The following TTC23 variants were observed in gnomAD, a reference collection of about 807,000 sequenced individuals.
TTC23 encodes tetratricopeptide repeat domain 23, also known as tetratricopeptide repeat protein 23.
A neutral mutation model predicts 55.1 loss-of-function variants in TTC23; 58 were observed. That is an observed-to-expected ratio of 1.05 (90% CI 0.85 to 1.31). The LOEUF is 1.31. Among genes scored for constraint, TTC23 ranks in the 50% most tolerant of loss-of-function variants. The pLI is 0.00. For missense variants in TTC23, 516 were observed against 534.4 expected, an observed-to-expected ratio of 0.97 and a Z score of 0.34; for synonymous variants, 203 against 199.9, an observed-to-expected ratio of 1.02 and a Z score of -0.13.
intron 9 of TTC23, among the ~76,000 whole-genome samples, chr15:99,184,583 G>A (rs959005742): frequency 2.0e-5 from 3 of 152,162 alleles, no homozygotes; most frequent in Non-Finnish European, 4.4e-5. Context: ...CATTTTGAAC[G>A]GGTGTATTTA....
chr15:99,146,464 G>A (rs554779830), intron 12 of TTC23, among the ~76,000 whole-genome samples: 2 of 152,354 alleles, frequency 1.3e-5, no homozygotes, highest in South Asian at 4.1e-4. Flanking sequence ...CTAGATTTAT[G>A]TAATAGGAGC....
rs1159664530 is a variant in TTC23, at chr15:99,245,452, T to G, written c.-372A>C. The G allele has an allele frequency of 1.3e-5, 2 of 150,744 alleles. No individual in the cohort carries two copies. The highest frequency in any genetic ancestry group is 2.9e-5 in the Non-Finnish European group (2 of 68,020). 9.3% of individuals were successfully genotyped at this position (150,744 alleles called of 1,614,324 possible). A position where few individuals can be genotyped will look rare whatever the true frequency, so the allele number is the denominator to read the frequency against. ...TCGCTTGAACCTGGGAGGCAGAGGT[T>G]GCAGTGAGCCAAGATCACACCACTA... On this transcript the variant is annotated 5_prime_UTR_variant, in exon 2 of 14. Transcript: ENST00000394132.
intron 9 of TTC23, among the ~76,000 whole-genome samples, chr15:99,190,626 T>G (rs1048061412): frequency 2.3e-4 from 35 of 152,290 alleles, no homozygotes; most frequent in African/African-American, 8.4e-4. Context: ...CAAAATACGT[T>G]ACAATGGTGG....
Position 99,137,966 on chromosome 15 carries a change from T to C in TTC23, c.*44A>G, listed in dbSNP as rs1555487905. The C allele has an allele frequency of 6.2e-7, 1 of 1,612,558 alleles. No individual in the cohort carries two copies. On this transcript the variant is annotated 3_prime_UTR_variant, in exon 14 of 14. Transcript: ENST00000394132. ...GAGGTGATTTGTACAGCACCCTAAA[T>C]GACAGTGCCCAGGAATGTCCTAGGC...
chr15:99,196,225 T>A (rs1261271247), intron 9 of TTC23, among the ~76,000 whole-genome samples: 1 of 151,862 alleles, frequency 6.6e-6, no homozygotes, highest in Non-Finnish European at 1.5e-5. Flanking sequence ...CTCTATTCTG[T>A]AAAATGAGAG....
rs1378991508 is a variant in TTC23 at position 99,172,815 on chromosome 15, G to C, written c.865+2235C>G. On this transcript the variant is annotated intron_variant, in intron 10 of 13. Transcript: ENST00000394132. ...ATCACACATTTATCATCTGTATCAA[G>C]TAGGTATTATTATCATTTTCAATTT... Among the ~76,000 whole-genome samples, 3 of 152,210 alleles carry C rather than the reference G, an allele frequency of 2.0e-5. No individual in the cohort carries two copies. The East Asian group carries it at 5.8e-4, about 29-fold the overall frequency.
intron 8 of TTC23, among the ~76,000 whole-genome samples, chr15:99,211,234 G>C (rs1567495614): frequency 6.6e-6 from 1 of 152,078 alleles, no homozygotes; most frequent in African/African-American, 2.4e-5. Context: ...AATTAGCTGG[G>C]CGTGGTGGCA....
intron 12 of TTC23, 33 bp downstream of exon 12, chr15:99,156,115 C>G (rs1409963435): frequency 6.2e-7 from 1 of 1,613,652 alleles, no homozygotes; most frequent in Non-Finnish European, 8.5e-7. Flanking sequence ...GAGGGAGAGC[C>G]TAGTCTCGTG....
intron 12 of TTC23, chr15:99,145,342 A>G (rs2068715866): frequency 6.6e-6 from 1 of 152,250 alleles, no homozygotes; most frequent in South Asian, 2.1e-4. Flanking sequence ...TATTTTTAAA[A>G]TACATAAATA....
intron 10 of TTC23, among the ~76,000 whole-genome samples, chr15:99,171,627 A>C (rs2072947037): frequency 6.8e-6 from 1 of 147,898 alleles, no homozygotes; most frequent in African/African-American, 2.5e-5. Context: ...CAGTGGTACA[A>C]TCTCGGCTCA....
intron 9 of TTC23, among the ~76,000 whole-genome samples, chr15:99,185,679 T>G (rs1473192974): frequency 6.6e-6 from 1 of 152,214 alleles, no homozygotes; most frequent in Admixed American, 6.5e-5. Flanking sequence ...GTGATTTTTC[T>G]TTTGGATAGG....
chr15:99,184,942 C>T (rs954404974), intron 9 of TTC23, among the ~76,000 whole-genome samples: 6 of 152,096 alleles, frequency 3.9e-5, no homozygotes, highest in African/African-American at 1.2e-4. Context: ...ATGCTGTTCT[C>T]GTGATGGTGA....
In TTC23 at chr15:99,245,525, AAAAAG is replaced by A. The variant is rs2080166375; in HGVS notation, c.-430-20_-430-16del. 1 of 151,966 alleles carries A rather than the reference AAAAAG, an allele frequency of 6.6e-6. No homozygotes were observed. The highest frequency in any genetic ancestry group is 2.4e-5 in the African/African-American group (1 of 41,410). The allele number at this position is 151,966 out of a possible 1,614,324, so 9.4% of individuals were successfully genotyped here. ...CGAGACTCCATCTCAAAAAAAAAAA[AAAAAG>A]AATTAATATATAGAAAAATGGGATA... On this transcript the variant is annotated splice_polypyrimidine_tract_variant and intron_variant, in intron 1 of 13. Transcript: ENST00000394132.
chr15:99,247,233 A>G (rs2080327359), intron 1 of TTC23, among the ~76,000 whole-genome samples: 2 of 152,208 alleles, frequency 1.3e-5, no homozygotes, highest in Admixed American at 6.5e-5. Flanking sequence ...GTAAAATGGG[A>G]AATTCACCTT....
chr15:99,225,071 G>A (rs2078278247), intron 5 of TTC23, among the ~76,000 whole-genome samples: 1 of 152,172 alleles, frequency 6.6e-6, no homozygotes, highest in South Asian at 2.1e-4. Context: ...AGGTAGATCT[G>A]TTTTGATAGT....
At chr15:99,175,203 G>A in intron 9 of TTC23, 48 bp from the exon 10 acceptor site, 1 of 1,501,082 alleles carries the variant, frequency 6.7e-7, no homozygotes, top group Middle Eastern at 1.7e-4. Flanking sequence ...CTTGGCAGCA[G>A]CAGCAGGGAA....
chr15:99,144,310 G>A (rs186979080), intron 12 of TTC23: 1 of 152,284 alleles, frequency 6.6e-6, no homozygotes, highest in African/African-American at 2.4e-5. Flanking sequence ...ACAGAGGGGT[G>A]GCTCAGTGGC....
intron 5 of TTC23, among the ~76,000 whole-genome samples, chr15:99,226,647 C>T (rs1037682520): frequency 1.3e-5 from 2 of 152,148 alleles, no homozygotes; most frequent in Admixed American, 1.3e-4. Context: ...AGCTTCTTCT[C>T]CTTGCTTCAG....
At chr15:99,212,713 T>G (rs1327543865) in intron 8 of TTC23, among the ~76,000 whole-genome samples, 1 of 152,042 alleles carries the variant, frequency 6.6e-6, no homozygotes, top group Non-Finnish European at 1.5e-5. Flanking sequence ...AAGAGGGACA[T>G]AGGACTGAGT....
Sources: allele counts gnomAD v4.1 joint callset (sites outside exome capture counted in the v4.1 genomes callset), GRCh38; gene constraint gnomAD v4.1.1; transcripts MANE v1.5; gene names NCBI Gene and HGNC (gene_info 2026-07-23, HGNC 2026-07-21).